RAB43: variants seen among roughly 807,000 people sequenced by gnomAD.
RAB43 encodes the protein ras-related protein Rab-43.
Under a neutral mutation model 18.8 loss-of-function variants are expected in RAB43, and 6 were observed. That is an observed-to-expected ratio of 0.32 (90% CI 0.17 to 0.63). RAB43 has a LOEUF of 0.63. Among genes scored for constraint, RAB43 ranks in the 30% least tolerant of loss-of-function variants. The pLI, the probability that RAB43 is intolerant of heterozygous loss-of-function variation, is 0.79. For synonymous variants in RAB43, 103 were observed against 124.1 expected, an observed-to-expected ratio of 0.83 and a Z score of 1.13; for missense variants, 195 against 289.1, an observed-to-expected ratio of 0.67 and a Z score of 2.36.
intron 1 of RAB43, 93 bp downstream of exon 1, chr3:129,121,193 G>A: frequency 8.6e-7 from 1 of 1,163,492 alleles, no homozygotes; most frequent in South Asian, 1.5e-5. Context: ...ACTTCAGATG[G>A]ACGCGGGGTG....
Position 129,121,741 on chromosome 3 carries a change from G to C in RAB43, c.-252C>G, listed in dbSNP as rs1467886826. The C allele has an allele frequency of 3.9e-6, 1 of 256,974 alleles. No individual in the cohort carries two copies. Among genetic ancestry groups the C allele is most frequent in the Non-Finnish European group, 7.2e-6 (1 of 138,742 alleles). 15.9% of individuals were successfully genotyped at this position (256,974 alleles called of 1,614,324 possible). On this transcript the variant is annotated 5_prime_UTR_variant, in exon 1 of 3. Transcript: ENST00000315150. ...GCCCCGCGGGTTCGGCTCCCCCCCG[G>C]ACCCGCCAAGCCGGGCCCTCCGCAA...
chr3:129,109,064 CAAA>C (rs758480697), intron 1 of RAB43, among the ~76,000 whole-genome samples: 1 of 116,966 alleles, frequency 8.5e-6, no homozygotes, highest in Admixed American at 8.7e-5. Flanking sequence ...GTGACTCCTA[CAAA>C]AAAAAAAAAA....
rs1448409612 is a variant in RAB43, at chr3:129,107,676, C to T, written c.205-12507G>A. On this transcript the variant is annotated intron_variant, in intron 1 of 2. Transcript: ENST00000315150. The surrounding 1 kb of genome is among the most constrained non-coding windows in gnomAD (Gnocchi z 4.2). ...CCCTGGTAGACAGCCTCTTGGAGCC[C>T]TCACAGCCTCCACAAGAATTCCCGT... Among the ~76,000 whole-genome samples, 4 of 152,138 alleles carry T rather than the reference C, an allele frequency of 2.6e-5. No individual in the cohort carries two copies. Among genetic ancestry groups the T allele is most frequent in the Admixed American group, 6.5e-5 (1 of 15,280 alleles).
In RAB43 at chr3:129,095,996, T is replaced by C. The variant is rs550776430; in HGVS notation, c.205-827A>G. Among the ~76,000 whole-genome samples, 2 of 152,308 alleles carry C rather than the reference T, an allele frequency of 1.3e-5. No individual in the cohort carries two copies. Among genetic ancestry groups the C allele is most frequent in the Admixed American group, 6.5e-5 (1 of 15,310 alleles). On this transcript the variant is annotated intron_variant, in intron 1 of 2. Coordinates refer to ENST00000315150, the MANE Select transcript of RAB43 (RefSeq NM_198490.3). This position sits in a 1 kb window ranked among gnomAD's most constrained non-coding sequence, Gnocchi z 4.2. Reference sequence around the variant, plus strand: ...GCCAAGGGGCATATGCCAGGGATCTTGGTGACCAAACACCTTGGGGATCGG... The same window carrying C: ...GCCAAGGGGCATATGCCAGGGATCTCGGTGACCAAACACCTTGGGGATCGG...
intron 1 of RAB43, among the ~76,000 whole-genome samples, chr3:129,114,144 G>C (rs1560004403): frequency 6.6e-6 from 1 of 152,274 alleles, no homozygotes; most frequent in East Asian, 1.9e-4. Context: ...GGATTTTTCT[G>C]TCATTCACAC....
intron 1 of RAB43, among the ~76,000 whole-genome samples, chr3:129,121,071 C>T (rs935789419): frequency 1.1e-4 from 1 of 8,982 alleles, no homozygotes; most frequent in African/African-American, 3.8e-4. Flanking sequence ...CTCCCTCGCC[C>T]CCCCCCCCCC....
Position 129,095,242 on chromosome 3 carries a change from G to A in RAB43, c.205-73C>T. The A allele has an allele frequency of 1.3e-6, 2 of 1,544,786 alleles. No individual in the cohort carries two copies. The highest frequency in any genetic ancestry group is 1.9e-5 in the Admixed American group (1 of 51,850). ...TGGGGACAGGCAGAGTGACCCCACA[G>A]ACCCACACCCAGAGCTGTGGTTCCA... On this transcript the variant is annotated intron_variant, in intron 1 of 2. Transcript: ENST00000315150. The surrounding 1 kb of genome is among the most constrained non-coding windows in gnomAD (Gnocchi z 4.2).
intron 2 of RAB43, among the ~76,000 whole-genome samples, chr3:129,094,101 G>A (rs1289418497): frequency 2.0e-5 from 3 of 152,192 alleles, no homozygotes; most frequent in Non-Finnish European, 2.9e-5. Context: ...GACCAGCAAG[G>A]TGGGTGTCAC....
chr3:129,116,362 G>A (rs1935526530), intron 1 of RAB43, among the ~76,000 whole-genome samples: 1 of 152,116 alleles, frequency 6.6e-6, no homozygotes, highest in Non-Finnish European at 1.5e-5. Context: ...GCTGTCCCTG[G>A]TATCAAGAAC....
intron 1 of RAB43, 148 bp downstream of exon 1, chr3:129,121,138 A>C: frequency 7.7e-6 from 3 of 388,012 alleles, no homozygotes; most frequent in Non-Finnish European, 1.2e-5. Flanking sequence ...CCCGGGGCCC[A>C]GGCCTGCTCC....
In RAB43 at chr3:129,107,917, A is replaced by C. The variant is rs1367304682; in HGVS notation, c.205-12748T>G. ...GTCACCTCTTCAACTCTCTAGAGCA[A>C]ACCCTCCTCCCCGGGCTCCCAGGCA... On this transcript the variant is annotated intron_variant, in intron 1 of 2. Coordinates refer to ENST00000315150, the MANE Select transcript of RAB43 (RefSeq NM_198490.3). The surrounding 1 kb of genome is among the most constrained non-coding windows in gnomAD (Gnocchi z 4.2). 1.3e-5 allele frequency among the ~76,000 whole-genome samples: 2 copies of C among 152,076 alleles called. No homozygotes were observed. Among genetic ancestry groups the C allele is most frequent in the African/African-American group, 4.8e-5 (2 of 41,422 alleles).
intron 1 of RAB43, among the ~76,000 whole-genome samples, chr3:129,099,992 A>T (rs1236532520): frequency 1.3e-5 from 2 of 152,174 alleles, no homozygotes; most frequent in Non-Finnish European, 2.9e-5. Flanking sequence ...TCCAAATCTG[A>T]TGAAACATAC....
intron 1 of RAB43, among the ~76,000 whole-genome samples, chr3:129,102,649 C>T (rs1934501481): frequency 2.2e-5 from 1 of 45,528 alleles, no homozygotes; most frequent in South Asian, 8.0e-4. Flanking sequence ...AAAAATCACT[C>T]AGGTCACTGG....
intron 1 of RAB43, among the ~76,000 whole-genome samples, chr3:129,115,874 G>A (rs1262060561): frequency 6.6e-6 from 1 of 152,108 alleles, no homozygotes; most frequent in South Asian, 2.1e-4. Flanking sequence ...TGCATAAGTC[G>A]ATTGCACATC....
At chr3:129,096,425 G>A (rs920556605) in intron 1 of RAB43, among the ~76,000 whole-genome samples, 1 of 152,206 alleles carries the variant, frequency 6.6e-6, no homozygotes, top group Non-Finnish European at 1.5e-5. Flanking sequence ...TAGTTCATGC[G>A]TCTTGCAGCT....
At chr3:129,109,609 C>T (rs1293495731) in intron 1 of RAB43, among the ~76,000 whole-genome samples, 4 of 150,986 alleles carry the variant, frequency 2.6e-5, no homozygotes, top group African/African-American at 9.7e-5. Context: ...GGCATGGTGG[C>T]GGGCGCCTGT....
At chr3:129,093,603 C>T (rs369167995) in intron 2 of RAB43, among the ~76,000 whole-genome samples, 1 of 151,922 alleles carries the variant, frequency 6.6e-6, no homozygotes, top group African/African-American at 2.4e-5. Flanking sequence ...AGCGAGACTC[C>T]GTCCCCCACC....
At chr3:129,116,325 G>A (rs1935524367) in intron 1 of RAB43, among the ~76,000 whole-genome samples, 1 of 152,286 alleles carries the variant, frequency 6.6e-6, no homozygotes, top group South Asian at 2.1e-4. Flanking sequence ...AACCTCGAGA[G>A]GCAAGGTTTA....
At chr3:129,096,755 AAG>A (rs1285895121) in intron 1 of RAB43, among the ~76,000 whole-genome samples, 2 of 152,206 alleles carry the variant, frequency 1.3e-5, no homozygotes, top group African/African-American at 4.8e-5. Flanking sequence ...TCAGGGTTGG[AAG>A]ATAAAGTTGA....
Sources: gnomAD v4.1 joint callset for allele counts (sites outside exome capture counted in the v4.1 genomes callset) on GRCh38, gnomAD v4.1.1 for gene constraint, Gnocchi (gnomAD v3.1) non-coding constraint, MANE v1.5 for transcripts, NCBI Gene and HGNC (gene_info 2026-07-23, HGNC 2026-07-21) for gene names.